Variants in CES5A observed in about 807,000 individuals in gnomAD.
CES5A encodes the protein carboxylesterase 5A.
In CES5A, 67 loss-of-function variants were observed where a neutral mutation model predicts 62.9. The ratio of observed to expected loss-of-function variants is 1.07; its 90% CI spans 0.88 to 1.31. The LOEUF is 1.31. Ranked by LOEUF, CES5A falls within the 50% of genes most tolerant of loss-of-function variation. CES5A has a pLI of 0.00. For synonymous variants in CES5A, 296 were observed against 280.8 expected, an observed-to-expected ratio of 1.05 and a Z score of -0.54; for missense variants, 748 against 708.5, an observed-to-expected ratio of 1.06 and a Z score of -0.63.
chr16:55,889,402 T>C (rs1467591148), intron 1 of CES5A, among the ~76,000 whole-genome samples: 1 of 152,150 alleles, frequency 6.6e-6, no homozygotes, highest in Non-Finnish European at 1.5e-5. Flanking sequence ...CAGCTATAAA[T>C]TGGGATTCCC....
chr16:55,943,630 A>G (rs1434961231), intron 2 of CES5A, among the ~76,000 whole-genome samples: 1 of 152,258 alleles, frequency 6.6e-6, no homozygotes, highest in East Asian at 1.9e-4. Context: ...ATACATATCC[A>G]GTAGCTTCTC....
At chr16:55,875,066 G>T in intron 1 of CES5A, 83 bp downstream of exon 1, 1 of 1,380,172 alleles carries the variant, frequency 7.2e-7, no homozygotes, top group East Asian at 2.3e-5. Context: ...AGAGACCTCT[G>T]AAGAATAACT....
At chr16:55,908,606 C>T (rs1242504875) in intron 1 of CES5A, among the ~76,000 whole-genome samples, 5 of 152,198 alleles carry the variant, frequency 3.3e-5, no homozygotes. Flanking sequence ...GTGATCCGCC[C>T]ACCTTGGCCT....
chr16:55,906,665 C>T (rs1277576965), intron 1 of CES5A, among the ~76,000 whole-genome samples: 2 of 152,186 alleles, frequency 1.3e-5, no homozygotes, highest in Admixed American at 1.3e-4. Context: ...TTGGAGTGTG[C>T]TGGGGAGTCC....
chr16:55,852,652 T>C (rs1426509824), intron 10 of CES5A, among the ~76,000 whole-genome samples: 1 of 152,128 alleles, frequency 6.6e-6, no homozygotes, highest in Admixed American at 6.5e-5. Flanking sequence ...TTATACATGG[T>C]CCTGAAGAAG....
upstream of CES5A, among the ~76,000 whole-genome samples, chr16:55,879,143 C>T (rs2033734524): frequency 6.9e-6 from 1 of 145,256 alleles, no homozygotes; most frequent in African/African-American, 2.6e-5. Context: ...ATTGCACCTC[C>T]ACTGCTACCC....
intron 9 of CES5A, 21 bp downstream of exon 9, chr16:55,856,356 G>A: frequency 6.2e-7 from 1 of 1,612,256 alleles, no homozygotes; most frequent in Non-Finnish European, 8.5e-7. Context: ...CTGGAGTACT[G>A]CAGCCTCCCA....
At chr16:55,850,823 C>T (rs1286370896) in intron 10 of CES5A, among the ~76,000 whole-genome samples, 2 of 152,142 alleles carry the variant, frequency 1.3e-5, no homozygotes, top group South Asian at 4.2e-4. Flanking sequence ...ACAGTGGCTG[C>T]ACTGTTTTAT....
intron 10 of CES5A, 75 bp downstream of exon 10, chr16:55,852,806 A>C (rs2033158130): frequency 6.6e-7 from 1 of 1,513,508 alleles, no homozygotes; most frequent in African/African-American, 1.4e-5. Context: ...GCAGCCGCTC[A>C]GTAGACAATA....
At chr16:55,857,839 C>T (rs554200442) in intron 8 of CES5A, among the ~76,000 whole-genome samples, 1 of 152,272 alleles carries the variant, frequency 6.6e-6, no homozygotes, top group South Asian at 2.1e-4. Context: ...GGAATGGAAG[C>T]TCAGAGAGGG....
intron 11 of CES5A, 68 bp downstream of exon 11, chr16:55,849,556 G>A (rs1383932642): frequency 6.4e-7 from 1 of 1,558,776 alleles, no homozygotes; most frequent in Non-Finnish European, 8.8e-7. Context: ...AAGTCCTCCA[G>A]GCGCTTGCAT....
Position 55,852,986 on chromosome 16 carries a change from A to C in CES5A, c.1168T>G (p.Phe390Val), listed in dbSNP as rs368566931. Residue 390 changes from phenylalanine to valine, a missense_variant, in exon 10 of 13, where the codon TTC becomes GTC. Coordinates refer to ENST00000290567, the MANE Select transcript of CES5A (RefSeq NM_001143685.2). The stretch of plus-strand genomic sequence containing the variant: ...TCAGTCAGGGAGTGCTTGTCATGGA[A>C]GTATTCATTAGCCACAAGGTGCAAA... ...QYLHLVANEY[F>V]HDKHSLTEIR... The C allele has an allele frequency of 6.2e-7, 1 of 1,614,178 alleles. No individual in the cohort carries two copies. The highest frequency in any genetic ancestry group is 8.5e-7 in the Non-Finnish European group (1 of 1,180,014).
intron 2 of CES5A, among the ~76,000 whole-genome samples, chr16:55,942,363 A>C (rs1275039461): frequency 6.6e-6 from 1 of 152,210 alleles, no homozygotes. Flanking sequence ...AATTCCTACA[A>C]ATCAACAATA....
intron 1 of CES5A, among the ~76,000 whole-genome samples, chr16:55,885,094 C>T (rs1312821084): frequency 6.6e-6 from 1 of 152,180 alleles, no homozygotes; most frequent in Non-Finnish European, 1.5e-5. Context: ...TATCCTTCTG[C>T]AGTGTGCAGC....
chr16:55,856,353 A>T (rs1452471928), intron 9 of CES5A, 24 bp downstream of exon 9: 5 of 1,610,966 alleles, frequency 3.1e-6, no homozygotes, highest in Non-Finnish European at 4.2e-6. Context: ...TCTCTGGAGT[A>T]CTGCAGCCTC....
chr16:55,856,410 C>T lies in CES5A; in HGVS notation c.1092G>A (p.Lys364=). 1 of 1,614,098 alleles carries T rather than the reference C, an allele frequency of 6.2e-7. No homozygotes were observed. The highest frequency in any genetic ancestry group is 8.5e-7 in the Non-Finnish European group (1 of 1,180,000). ...EAPEILSGSN[K]SLALHLIQNI... Reference sequence around the variant, plus strand: ...TTTGTATCAGATGGAGGGCAAGGGACTTGTTGGAGCCACTGAGGATCTCAG... The same window carrying T: ...TTTGTATCAGATGGAGGGCAAGGGATTTGTTGGAGCCACTGAGGATCTCAG... Residue 364 remains lysine (K), a synonymous_variant, in exon 9 of 13, where the codon AAG becomes AAA. Coordinates refer to ENST00000290567, the MANE Select transcript of CES5A (RefSeq NM_001143685.2).
chr16:55,871,737 A>G lies in CES5A; in HGVS notation c.305T>C (p.Leu102Pro), dbSNP rs773935287. The G allele has an allele frequency of 6.2e-7, 1 of 1,613,902 alleles. No homozygotes were observed. The highest frequency in any genetic ancestry group is 8.5e-7 in the Non-Finnish European group (1 of 1,179,974). Residue 102 changes from leucine (L) to proline (P), a missense_variant, in exon 3 of 13, where the codon CTC becomes CCC. Leu to Pro is a moderately conservative substitution (Grantham distance 98). Transcript: ENST00000290567. Reference protein sequence around the residue: ...NLCLQNSEWLLLDQHMLKVHY... With the variant: ...NLCLQNSEWLPLDQHMLKVHY... ...CACCTTGAGCATATGTTGATCTAAG[A>G]GCAGCCACTCTGAGTTCTGGAGGCA... is the stretch of plus-strand genomic sequence containing the variant.
At chr16:55,857,030 CCAAGTT>C (rs1411495042) in intron 8 of CES5A, among the ~76,000 whole-genome samples, 1 of 152,186 alleles carries the variant, frequency 6.6e-6, no homozygotes. Context: ...GGCTTTGACA[CCAAGTT>C]CAAAGAGAAG....
At chr16:55,860,735 C>T (rs774335395) in intron 7 of CES5A, among the ~76,000 whole-genome samples, 5 of 152,316 alleles carry the variant, frequency 3.3e-5, no homozygotes, top group Middle Eastern at 3.4e-3. Flanking sequence ...AAGAGTTCGA[C>T]ACATCAGGTC....
Sources: allele counts gnomAD v4.1 joint callset (sites outside exome capture counted in the v4.1 genomes callset), GRCh38; gene constraint gnomAD v4.1.1; transcripts MANE v1.5; gene names NCBI Gene and HGNC (gene_info 2026-07-23, HGNC 2026-07-21).